The following PLA2G10 variants were observed in gnomAD, a reference collection of about 807,000 sequenced individuals.
PLA2G10 encodes the protein group 10 secretory phospholipase A2.
A neutral mutation model predicts 7.9 loss-of-function variants in PLA2G10; 9 were observed. That is an observed-to-expected ratio of 1.14 (90% CI 0.68 to 1.98). The LOEUF (loss-of-function observed/expected upper bound fraction) is 1.98. Among genes scored for constraint, PLA2G10 ranks in the 30% most tolerant of loss-of-function variants. PLA2G10 has a pLI of 0.00. For synonymous variants in PLA2G10, 19 were observed against 27.5 expected (o/e 0.69, Z 0.97); for missense variants, 53 against 65.4 (o/e 0.81, Z 0.66).
Position 14,672,728 on chromosome 16 carries a change from T to C in PLA2G10, c.377A>G (p.Gln126Arg). The C allele has an allele frequency of 6.2e-7, 1 of 1,613,986 alleles. No homozygotes were observed. Among genetic ancestry groups the C allele is most frequent in the Non-Finnish European group, 8.5e-7 (1 of 1,179,922 alleles). ...VLCGPAENKCQELLCKCDQEI... is the reference protein window; with the variant it reads ...VLCGPAENKCRELLCKCDQEI... ...CTGGTCACACTTGCACAACAGTTCT[T>C]GGCATTTGTTCTCTGCCGGTCCTGG... Residue 126 changes from glutamine to arginine, a missense_variant, in exon 4 of 4, where the codon CAA (glutamine) becomes CGA (arginine). Gln to Arg is a conservative substitution (Grantham distance 43). Coordinates refer to ENST00000438167, the MANE Select transcript of PLA2G10 (RefSeq NM_003561.3).
At chr16:14,682,527 G>T (rs1960921627) in intron 3 of PLA2G10, among the ~76,000 whole-genome samples, 1 of 152,084 alleles carries the variant, frequency 6.6e-6, no homozygotes, top group Non-Finnish European at 1.5e-5. Flanking sequence ...AGTGAGTTGA[G>T]ATCACTCCAC....
intron 3 of PLA2G10, among the ~76,000 whole-genome samples, chr16:14,675,904 G>A (rs940230412): frequency 1.7e-4 from 22 of 133,058 alleles, no homozygotes; most frequent in East Asian, 2.2e-4. Context: ...ATGTCACTGC[G>A]CTCCAGCCTA....
chr16:14,672,965 T>A (rs1205326700), intron 3 of PLA2G10, among the ~76,000 whole-genome samples: 1 of 151,920 alleles, frequency 6.6e-6, no homozygotes, highest in Non-Finnish European at 1.5e-5. Flanking sequence ...GAGTCCAAAG[T>A]CTGCCATACT....
chr16:14,683,916 G>T (rs61444673), intron 3 of PLA2G10, among the ~76,000 whole-genome samples: 8,811 of 152,068 alleles, frequency 0.058, 288 homozygotes, highest in African/African-American at 0.081. Context: ...ATCACATATC[G>T]GGTAAGAGTC....
chr16:14,677,714 C>CATGG (rs533254370), intron 3 of PLA2G10, among the ~76,000 whole-genome samples: 2,112 of 151,930 alleles, frequency 0.014, 50 homozygotes, highest in African/African-American at 0.047. Flanking sequence ...AGGCACTCCC[C>CATGG]ATGGATGGAT....
intron 3 of PLA2G10, among the ~76,000 whole-genome samples, chr16:14,676,857 T>C (rs1416532246): frequency 6.6e-6 from 1 of 152,166 alleles, no homozygotes; most frequent in African/African-American, 2.4e-5. Flanking sequence ...TTCTAACTGA[T>C]GAAACTTAAG....
intron 3 of PLA2G10, among the ~76,000 whole-genome samples, chr16:14,674,947 G>A (rs575951151): frequency 2.6e-5 from 4 of 152,244 alleles, no homozygotes; most frequent in South Asian, 4.1e-4. Flanking sequence ...CAAGGCAAGC[G>A]GATCACCTGA....
intron 3 of PLA2G10, among the ~76,000 whole-genome samples, chr16:14,681,163 CAAAGAAAAGAAAAGAGA>C (rs1249569135): frequency 7.7e-6 from 1 of 129,936 alleles, no homozygotes; most frequent in African/African-American, 2.9e-5. Flanking sequence ...GACTCTATCT[CAAAGAAAAGAAAAGAGA>C]AAAGAAAAGA....
At chr16:14,685,532 G>T (rs144773756) in intron 3 of PLA2G10, among the ~76,000 whole-genome samples, 327 of 152,164 alleles carry the variant, frequency 2.1e-3, no homozygotes, top group Non-Finnish European at 3.8e-3. Context: ...AGGTGTTGGT[G>T]GTAGGGAGGA....
intron 3 of PLA2G10, among the ~76,000 whole-genome samples, chr16:14,680,559 G>T (rs1378432970): frequency 6.6e-6 from 1 of 151,966 alleles, no homozygotes; most frequent in South Asian, 2.1e-4. Flanking sequence ...CCAGGGTCTC[G>T]CTATGTTGCC....
At chr16:14,681,763 G>T (rs201596502) in intron 3 of PLA2G10, among the ~76,000 whole-genome samples, 134 of 151,702 alleles carry the variant, frequency 8.8e-4, no homozygotes, top group Non-Finnish European at 1.7e-3. Flanking sequence ...CCTTTCATTT[G>T]GTTCAGAGAA....
rs145360756 is a variant in PLA2G10 at position 14,674,074 on chromosome 16, T to A, written c.356-1325A>T. Among the ~76,000 whole-genome samples the A allele has an allele frequency of 9.3e-3, 1,415 of 151,506 alleles. 25 individuals are homozygous for A. Among genetic ancestry groups the A allele is most frequent in the African/African-American group, 0.032 (1,327 of 41,264 alleles). ...AACCAGTAGCACTGCTATACATCAA[T>A]AAGGACTAAGCTGAGAATGAAATCA... On this transcript the variant is annotated intron_variant, in intron 3 of 3. Coordinates refer to ENST00000438167, the MANE Select transcript of PLA2G10 (RefSeq NM_003561.3).
intron 3 of PLA2G10, among the ~76,000 whole-genome samples, chr16:14,686,419 A>C (rs1315584988): frequency 6.6e-6 from 1 of 152,124 alleles, no homozygotes; most frequent in Non-Finnish European, 1.5e-5. Context: ...ACCATTACTC[A>C]CTTCCTAGTT....
chr16:14,685,177 G>C (rs1961017613), intron 3 of PLA2G10, among the ~76,000 whole-genome samples: 2 of 152,010 alleles, frequency 1.3e-5, no homozygotes, highest in African/African-American at 4.8e-5. Context: ...TTCAAGACCA[G>C]CCTGGCCAAC....
chr16:14,674,455 G>A (rs1597005233), intron 3 of PLA2G10, among the ~76,000 whole-genome samples: 3 of 152,284 alleles, frequency 2.0e-5, no homozygotes, highest in South Asian at 2.1e-4. Context: ...TGTAATCCTA[G>A]CACTTTGCAA....
chr16:14,681,247 G>C (rs1310938675), intron 3 of PLA2G10, among the ~76,000 whole-genome samples: 1 of 151,898 alleles, frequency 6.6e-6, no homozygotes, highest in Non-Finnish European at 1.5e-5. Context: ...GAAAAGCAAA[G>C]CCATATACAA....
At chr16:14,681,031 T>G (rs1960876123) in intron 3 of PLA2G10, among the ~76,000 whole-genome samples, 1 of 151,664 alleles carries the variant, frequency 6.6e-6, no homozygotes, top group South Asian at 2.1e-4. Flanking sequence ...CTGGGTATGG[T>G]GGTGCGCCTG....
chr16:14,673,891 C>G (rs1382074024), intron 3 of PLA2G10, among the ~76,000 whole-genome samples: 2 of 152,098 alleles, frequency 1.3e-5, no homozygotes, highest in Admixed American at 6.6e-5. Context: ...CTAGCCAGAG[C>G]AGTCAGGAAA....
At chr16:14,673,650 C>T (rs1231033275) in intron 3 of PLA2G10, among the ~76,000 whole-genome samples, 6 of 152,148 alleles carry the variant, frequency 3.9e-5, no homozygotes, top group South Asian at 2.1e-4. Flanking sequence ...ATTACAGGCA[C>T]GAGCCACCAC....
Sources: gnomAD v4.1 joint callset for allele counts (sites outside exome capture counted in the v4.1 genomes callset) on GRCh38, gnomAD v4.1.1 for gene constraint, MANE v1.5 for transcripts, NCBI Gene and HGNC (gene_info 2026-07-23, HGNC 2026-07-21) for gene names.